PTCHD1: variants seen among roughly 807,000 people sequenced by gnomAD.
PTCHD1 encodes patched domain-containing protein 1.
In PTCHD1, 3 loss-of-function variants were observed where a neutral mutation model predicts 34.6. That is an observed-to-expected ratio of 0.09 (90% CI 0.04 to 0.22). The LOEUF is 0.22. Among genes scored for constraint, PTCHD1 ranks in the 10% least tolerant of loss-of-function variants. The pLI is 1.00. For synonymous variants in PTCHD1, 305 were observed against 283.1 expected (o/e 1.08, Z -0.77); for missense variants, 504 against 685.5 (o/e 0.74, Z 2.96).
chrX:23,362,844 T>C (rs1379770043), intron 1 of PTCHD1, among the ~76,000 whole-genome samples: 2 of 112,545 alleles, frequency 1.8e-5, no homozygotes, highest in Non-Finnish European at 3.8e-5. Context: ...ATTTTGATGT[T>C]ATTCCTTTCT....
At chrX:23,349,147 G>A (rs1053702812) in intron 1 of PTCHD1, among the ~76,000 whole-genome samples, 25 of 110,623 alleles carry the variant, frequency 2.3e-4, no homozygotes, top group African/African-American at 7.9e-4. Flanking sequence ...TTTTAAAGAA[G>A]TAAAATTGAT....
chrX:23,377,058 T>C (rs1432157494), intron 1 of PTCHD1, among the ~76,000 whole-genome samples: 1 of 112,172 alleles, frequency 8.9e-6, no homozygotes, highest in Non-Finnish European at 1.9e-5. Flanking sequence ...CTAAAGAGTT[T>C]ACAACTCCCC....
At chrX:23,371,163 C>T (rs1290080190) in intron 1 of PTCHD1, among the ~76,000 whole-genome samples, 1 of 112,194 alleles carries the variant, frequency 8.9e-6, no homozygotes, top group African/African-American at 3.2e-5. Context: ...TATAGGTAAT[C>T]ATAATGACTT....
intron 1 of PTCHD1, among the ~76,000 whole-genome samples, chrX:23,371,599 A>G (rs1407888319): frequency 9.0e-6 from 1 of 111,268 alleles, no homozygotes; most frequent in East Asian, 2.8e-4. Flanking sequence ...TAGATATGAT[A>G]TGTGCACTGA....
chrX:23,344,560 T>A (rs1374202475), intron 1 of PTCHD1, among the ~76,000 whole-genome samples: 1 of 112,015 alleles, frequency 8.9e-6, no homozygotes. Flanking sequence ...TGTTGGTCTT[T>A]AATGACTCCA....
chrX:23,401,838 A>G lies in PTCHD1; in HGVS notation c.*7653A>G, dbSNP rs1923131458. 1 of 112,871 alleles carries G rather than the reference A, an allele frequency of 8.9e-6. No individual in the cohort carries two copies. The highest frequency in any genetic ancestry group is 3.2e-5 in the African/African-American group (1 of 31,045). The allele number at this position is 112,871 out of a possible 1,213,427, so 9.3% of individuals were successfully genotyped here. On this transcript the variant is annotated 3_prime_UTR_variant, in exon 3 of 3. Transcript: ENST00000379361. Reference sequence around the variant, plus strand: ...GCACAGCTAAGAGCAGCCAAATAGTAAGCTTTAAAGAAAAGAAACCTGGAA... The same window carrying G: ...GCACAGCTAAGAGCAGCCAAATAGTGAGCTTTAAAGAAAAGAAACCTGGAA...
rs1445990290 is a variant in PTCHD1, at chrX:23,342,295, TATATATATATATATA to T, written c.351+7070_351+7084del. Among the ~76,000 whole-genome samples, 10 of 7,529 alleles carry T rather than the reference TATATATATATATATA, an allele frequency of 1.3e-3. No individual in the cohort carries two copies. The African/African-American group carries it at 0.019, about 14-fold the overall frequency. The allele number at this position is 7,529 out of a possible 115,157, so 6.5% of individuals were successfully genotyped here. A position where few individuals can be genotyped will look rare whatever the true frequency, so the allele number is the denominator to read the frequency against. On this transcript the variant is annotated intron_variant, in intron 1 of 2. Transcript: ENST00000379361. The stretch of plus-strand genomic sequence containing the variant: ...ATATATATATATATATATATATATA[TATATATATATATATA>T]TTTTTTTTTTTTTTTTTTTTTTAAA...
chrX:23,359,795 T>C (rs906005825), intron 1 of PTCHD1, among the ~76,000 whole-genome samples: 24 of 111,903 alleles, frequency 2.1e-4, no homozygotes, highest in South Asian at 7.5e-4. Context: ...TTATCATAAA[T>C]AGCTCTTATT....
intron 2 of PTCHD1, among the ~76,000 whole-genome samples, chrX:23,390,232 T>C (rs1414905517): frequency 9.1e-6 from 1 of 110,281 alleles, no homozygotes; most frequent in African/African-American, 3.3e-5. Flanking sequence ...TTTTTGTTTC[T>C]GGCAAGTAAA....
intron 2 of PTCHD1, among the ~76,000 whole-genome samples, 161 bp from the exon 3 acceptor site, chrX:23,392,370 G>A (rs773451188): frequency 4.5e-5 from 5 of 111,136 alleles, no homozygotes; most frequent in Admixed American, 9.6e-5. Flanking sequence ...AAAAACATGG[G>A]TCTATCTCCG....
Position 23,394,281 on chromosome X carries a change from A to G in PTCHD1, c.*96A>G. ...AAATTCAAAGTTCTTCCCTTTTTTA[A>G]AGATAGGAAACAGGCATTGCCAAAA... On this transcript the variant is annotated 3_prime_UTR_variant, in exon 3 of 3. Coordinates refer to ENST00000379361, the MANE Select transcript of PTCHD1 (RefSeq NM_173495.3). The G allele has an allele frequency of 1.6e-6, 1 of 616,733 alleles. No homozygotes were observed. The highest frequency in any genetic ancestry group is 3.1e-5 in the South Asian group (1 of 32,321). The allele number at this position is 616,733 out of a possible 1,213,427, so 50.8% of individuals were successfully genotyped here.
chrX:23,353,275 T>C (rs970320337), intron 1 of PTCHD1, among the ~76,000 whole-genome samples: 2 of 112,700 alleles, frequency 1.8e-5, no homozygotes, highest in Admixed American at 9.3e-5. Flanking sequence ...CTCATGAGTC[T>C]TAAAGGTTTT....
Position 23,390,420 on chromosome X carries a change from T to A in PTCHD1, c.1013-2111T>A, listed in dbSNP as rs16982640. Among the ~76,000 whole-genome samples the A allele has an allele frequency of 9.2e-3, 1,023 of 110,793 alleles. 18 individuals carry two copies. The highest frequency in any genetic ancestry group is 0.032 in the African/African-American group (987 of 30,376). On this transcript the variant is annotated intron_variant, in intron 2 of 2. Coordinates refer to ENST00000379361, the MANE Select transcript of PTCHD1 (RefSeq NM_173495.3). ...CTTTTTACCCTCATTGTCAAGAGAATGGTTACTTAATTAAAGGTCAGTGGG... is the reference window on the plus strand; with the variant it reads ...CTTTTTACCCTCATTGTCAAGAGAAAGGTTACTTAATTAAAGGTCAGTGGG...
intron 1 of PTCHD1, among the ~76,000 whole-genome samples, chrX:23,367,164 C>T (rs1284000912): frequency 8.9e-6 from 1 of 112,082 alleles, no homozygotes; most frequent in Admixed American, 9.5e-5. Flanking sequence ...TTTATCTCTC[C>T]AGGGCTTACG....
chrX:23,344,722 T>A (rs1473880327), intron 1 of PTCHD1, among the ~76,000 whole-genome samples: 1 of 111,551 alleles, frequency 9.0e-6, no homozygotes, highest in African/African-American at 3.3e-5. Flanking sequence ...CAGAACCTAC[T>A]CTTCATGCCT....
intron 1 of PTCHD1, among the ~76,000 whole-genome samples, chrX:23,354,251 A>G (rs1238554497): frequency 9.0e-6 from 1 of 110,975 alleles, no homozygotes; most frequent in Admixed American, 9.6e-5. Flanking sequence ...TTAGAGCGGT[A>G]GCCCTTCCTT....
rs1569143554 is a variant in PTCHD1 at position 23,394,197 on chromosome X, T to C, written c.*12T>C. ...TTACAACAGTGTGATAATGTCTGCT[T>C]GGCATATTTTCACCTTAGGTCTTAT... is the stretch of plus-strand genomic sequence containing the variant. On this transcript the variant is annotated 3_prime_UTR_variant, in exon 3 of 3. Transcript: ENST00000379361. The C allele has an allele frequency of 2.6e-6, 3 of 1,138,210 alleles. No individual in the cohort carries two copies. The highest frequency in any genetic ancestry group is 3.6e-6 in the Non-Finnish European group (3 of 831,261). The allele number at this position is 1,138,210 out of a possible 1,213,427, so 93.8% of individuals were successfully genotyped here. A position where few individuals can be genotyped will look rare whatever the true frequency, so the allele number is the denominator to read the frequency against.
At position 23,393,321 on chromosome X, in the gene PTCHD1, C is replaced by A; in HGVS notation, c.1803C>A (p.Ser601=). The change falls in exon 3 of 3, where the codon TCC becomes TCA. Residue 601 remains serine (S), a synonymous_variant. Transcript: ENST00000379361. ...ATTACCTTCGGAAACTCAATGTATCCACTGGCTTGCCTAAGAAAAATTTCA... is the reference window on the plus strand; with the variant it reads ...ATTACCTTCGGAAACTCAATGTATCAACTGGCTTGCCTAAGAAAAATTTCA... ...YLNYLRKLNV[S]TGLPKKNFTD... 1 of 1,210,468 alleles carries A rather than the reference C, an allele frequency of 8.3e-7. No homozygotes were observed. The highest frequency in any genetic ancestry group is 1.1e-6 in the Non-Finnish European group (1 of 894,183).
In PTCHD1 at chrX:23,393,274, T is replaced by A; in HGVS notation, c.1756T>A (p.Ser586Thr). 8.3e-7 allele frequency: 1 copy of A among 1,211,569 alleles called. No individual in the cohort carries two copies. Among genetic ancestry groups the A allele is most frequent in the South Asian group, 1.8e-5 (1 of 57,007 alleles). Residue 586 changes from serine to threonine, a missense_variant, in exon 3 of 3, where the codon TCC becomes ACC. Coordinates refer to ENST00000379361, the MANE Select transcript of PTCHD1 (RefSeq NM_173495.3). ...LEYTKGFVRI[S>T]WFESYLNYLR... ...ATACACCAAGGGGTTTGTGCGGATA[T>A]CCTGGTTTGAGAGCTATTTAAATTA...
Sources: allele counts gnomAD v4.1 joint callset (sites outside exome capture counted in the v4.1 genomes callset), GRCh38; gene constraint gnomAD v4.1.1; transcripts MANE v1.5; gene names NCBI Gene and HGNC (gene_info 2026-07-23, HGNC 2026-07-21).